Variants in PGM2L1 observed in about 807,000 individuals in gnomAD.
The protein encoded by PGM2L1 is phosphoglucomutase 2 like 1.
PGM2L1 carries 35 observed loss-of-function variants against 73.4 expected under a neutral mutation model. The ratio of observed to expected loss-of-function variants is 0.48; its 90% confidence interval spans 0.36 to 0.63. The LOEUF (loss-of-function observed/expected upper bound fraction) is 0.63. PGM2L1 is among the 30% of genes least tolerant of loss of function. The pLI is 0.00. For missense variants in PGM2L1, 570 were observed against 742.0 expected (o/e 0.77, Z 2.69); for synonymous variants, 225 against 253.8 (o/e 0.89, Z 1.08).
At chr11:74,394,062 C>T (rs1004663898) in intron 1 of PGM2L1, among the ~76,000 whole-genome samples, 4 of 151,882 alleles carry the variant, frequency 2.6e-5, no homozygotes, top group African/African-American at 4.8e-5. Flanking sequence ...CATCTGTTCG[C>T]TGCCTGGAGG....
intron 13 of PGM2L1, 84 bp downstream of exon 13, chr11:74,338,384 A>C: frequency 7.9e-7 from 1 of 1,266,296 alleles, no homozygotes; most frequent in Non-Finnish European, 1.1e-6. Flanking sequence ...TGAATTGTAC[A>C]TTTTAAGTGC....
rs74677242 is a variant in PGM2L1 at position 74,367,050 on chromosome 11, A to C, written c.555+1442T>G. 9.4e-3 allele frequency among the ~76,000 whole-genome samples: 1,425 copies of C among 152,274 alleles called. 26 individuals carry two copies. Among genetic ancestry groups the C allele is most frequent in the African/African-American group, 0.031 (1,268 of 41,544 alleles). On this transcript the variant is annotated intron_variant, in intron 5 of 13. Coordinates refer to ENST00000298198, the MANE Select transcript of PGM2L1 (RefSeq NM_173582.6). ...GGTAAGTGTATTCAACTTCTATTTT[A>C]GACATAGCATCTGTAGAACCCGTTA...
chr11:74,387,605 T>C (rs2134950984), intron 1 of PGM2L1, among the ~76,000 whole-genome samples: 1 of 152,294 alleles, frequency 6.6e-6, no homozygotes, highest in South Asian at 2.1e-4. Flanking sequence ...TTTATGATTC[T>C]ACTGTGCCCA....
intron 1 of PGM2L1, among the ~76,000 whole-genome samples, chr11:74,392,518 TC>T (rs1863117203): frequency 6.6e-6 from 1 of 151,362 alleles, no homozygotes; most frequent in Non-Finnish European, 1.5e-5. Flanking sequence ...TACATCCTAC[TC>T]CAGCTTTATA....
chr11:74,390,491 C>A (rs1328386568), intron 1 of PGM2L1, among the ~76,000 whole-genome samples: 2 of 152,150 alleles, frequency 1.3e-5, no homozygotes, highest in African/African-American at 2.4e-5. Context: ...TATTGAAGGA[C>A]ATCTTAGCTG....
At chr11:74,376,206 A>G (rs1166729851) in intron 1 of PGM2L1, among the ~76,000 whole-genome samples, 1 of 152,172 alleles carries the variant, frequency 6.6e-6, no homozygotes, top group East Asian at 1.9e-4. Flanking sequence ...TATGGATAGT[A>G]TTATTATTAA....
At chr11:74,394,380 T>C (rs1391278632) in intron 1 of PGM2L1, among the ~76,000 whole-genome samples, 3 of 152,184 alleles carry the variant, frequency 2.0e-5, no homozygotes, top group East Asian at 3.9e-4. Context: ...TGAGACAAGG[T>C]AGGCTAACAA....
chr11:74,347,496 TAAAGATC>T (rs1862284591), intron 6 of PGM2L1, among the ~76,000 whole-genome samples, 159 bp from the exon 7 acceptor site: 1 of 152,140 alleles, frequency 6.6e-6, no homozygotes, highest in East Asian at 1.9e-4. Flanking sequence ...AGTACTAACT[TAAAGATC>T]AAGAGTTTTA....
chr11:74,397,735 AATG>A (rs1863198496), intron 1 of PGM2L1: 3 of 234,066 alleles, frequency 1.3e-5, no homozygotes, highest in African/African-American at 5.0e-5. Flanking sequence ...TATAACTTAC[AATG>A]ATGATGATTT....
chr11:74,342,945 G>A lies in PGM2L1; in HGVS notation c.1382C>T (p.Ala461Val). 1 of 1,610,754 alleles carries A rather than the reference G, an allele frequency of 6.2e-7. No homozygotes were observed. The highest frequency in any genetic ancestry group is 8.5e-7 in the Non-Finnish European group (1 of 1,178,062). The change falls in exon 11 of 14, where the codon GCA (alanine) becomes GTA (valine). Residue 461 changes from alanine to valine, a missense_variant. By Grantham distance (64) the Ala-to-Val change is moderately conservative. Transcript: ENST00000298198. ...TATATTCATGGTTTCCAGGTAAGAT[G>A]CCATCTCAGCAACCACAACAGCTGC... ...VSAAVVVAEM[A>V]SYLETMNITL...
At chr11:74,367,977 C>G (rs953917674) in intron 5 of PGM2L1, among the ~76,000 whole-genome samples, 5 of 152,132 alleles carry the variant, frequency 3.3e-5, no homozygotes, top group Admixed American at 2.6e-4. Context: ...CCCAGAAGCC[C>G]CAAATCGTGG....
intron 13 of PGM2L1, 47 bp from the exon 14 acceptor site, chr11:74,336,801 TA>T (rs749126739): frequency 3.1e-5 from 40 of 1,307,694 alleles, no homozygotes; most frequent in South Asian, 2.8e-4. Context: ...TTCATAGGCT[TA>T]AAATTTATTT....
intron 1 of PGM2L1, among the ~76,000 whole-genome samples, chr11:74,391,702 G>A (rs1022232436): frequency 6.6e-6 from 1 of 152,012 alleles, no homozygotes; most frequent in Non-Finnish European, 1.5e-5. Flanking sequence ...TTTTCATGCA[G>A]CTTATTTCCT....
At chr11:74,371,244 GCT>G (rs1194966207) in intron 3 of PGM2L1, among the ~76,000 whole-genome samples, 2 of 151,808 alleles carry the variant, frequency 1.3e-5, no homozygotes, top group Non-Finnish European at 2.9e-5. Flanking sequence ...TCTTTTGATG[GCT>G]CTTTTACTAA....
intron 6 of PGM2L1, 115 bp downstream of exon 6, chr11:74,351,268 C>T (rs1457546397): frequency 1.3e-5 from 13 of 993,866 alleles, no homozygotes; most frequent in South Asian, 1.7e-5. Flanking sequence ...CTTATGAGTA[C>T]TATTTAGCTA....
At chr11:74,379,657 C>T in intron 1 of PGM2L1, among the ~76,000 whole-genome samples, 1 of 152,070 alleles carries the variant, frequency 6.6e-6, no homozygotes, top group Non-Finnish European at 1.5e-5. Context: ...GGCGCGGTGG[C>T]TTATGCTTGT....
intron 9 of PGM2L1, 138 bp from the exon 10 acceptor site, chr11:74,343,554 A>T: frequency 7.7e-7 from 1 of 1,291,692 alleles, no homozygotes; most frequent in Non-Finnish European, 1.0e-6. Context: ...TTTATACAGT[A>T]GCAGACATAT....
chr11:74,381,275 T>A (rs1862938731), intron 1 of PGM2L1, among the ~76,000 whole-genome samples: 1 of 152,016 alleles, frequency 6.6e-6, no homozygotes, highest in African/African-American at 2.4e-5. Context: ...TGTGACAGAG[T>A]TGTGGTCACT....
intron 12 of PGM2L1, among the ~76,000 whole-genome samples, chr11:74,339,173 G>C (rs1404428956): frequency 6.6e-6 from 1 of 152,150 alleles, no homozygotes; most frequent in Non-Finnish European, 1.5e-5. Context: ...CGGAAGCCAA[G>C]TTCCAAAGTC....
Sources: gnomAD v4.1 joint callset for allele counts (sites outside exome capture counted in the v4.1 genomes callset) on GRCh38, gnomAD v4.1.1 for gene constraint, MANE v1.5 for transcripts, NCBI Gene and HGNC (gene_info 2026-07-23, HGNC 2026-07-21) for gene names.